The following RHOT1 variants were observed in gnomAD, a reference collection of about 807,000 sequenced individuals.
RHOT1 encodes the protein ras homolog family member T1.
RHOT1 carries 27 observed loss-of-function variants against 95.3 expected under a neutral mutation model. The ratio of observed to expected loss-of-function variants is 0.28; its 90% CI spans 0.21 to 0.39. The LOEUF (loss-of-function observed/expected upper bound fraction) is 0.39, where lower values mean the gene tolerates loss of function less well. Among genes scored for constraint, RHOT1 ranks in the 10% least tolerant of loss-of-function variants. The pLI, the probability that RHOT1 is intolerant of heterozygous loss-of-function variation, is 1.00. For missense variants in RHOT1, 578 were observed against 786.7 expected (o/e 0.73, Z 3.17); for synonymous variants, 227 against 263.5 (o/e 0.86, Z 1.34).
chr17:32,184,885 G>A (rs1338899002), intron 8 of RHOT1, among the ~76,000 whole-genome samples: 1 of 151,840 alleles, frequency 6.6e-6, no homozygotes. Flanking sequence ...CGAATAGACT[G>A]TTGTAAACAT....
chr17:32,219,903 A>G (rs2038720033), intron 19 of RHOT1, among the ~76,000 whole-genome samples: 1 of 152,254 alleles, frequency 6.6e-6, no homozygotes, highest in African/African-American at 2.4e-5. Flanking sequence ...CACATAGAGT[A>G]GGAAGGTTTG....
At chr17:32,145,078 C>T (rs1310116327) in intron 1 of RHOT1, among the ~76,000 whole-genome samples, 1 of 152,052 alleles carries the variant, frequency 6.6e-6, no homozygotes, top group Non-Finnish European at 1.5e-5. Context: ...GGGCAGATCA[C>T]CTGAGGTCAG....
intron 8 of RHOT1, among the ~76,000 whole-genome samples, chr17:32,185,946 T>A (rs1205857650): frequency 6.6e-6 from 1 of 151,942 alleles, no homozygotes; most frequent in Non-Finnish European, 1.5e-5. Context: ...GGTCTCAAAC[T>A]CCTGGCTCAA....
At chr17:32,217,097 T>C (rs1259868520) in intron 19 of RHOT1, among the ~76,000 whole-genome samples, 2 of 152,248 alleles carry the variant, frequency 1.3e-5, no homozygotes, top group Non-Finnish European at 2.9e-5. Flanking sequence ...TTATCTGATC[T>C]TTAAGTATCA....
intron 2 of RHOT1, chr17:32,173,142 GT>G (rs1314710994): frequency 6.6e-6 from 1 of 152,108 alleles, no homozygotes; most frequent in Admixed American, 6.6e-5. Context: ...TTATCCTATA[GT>G]TTTAATATAT....
At chr17:32,147,848 A>G (rs1340136239) in intron 1 of RHOT1, among the ~76,000 whole-genome samples, 1 of 151,592 alleles carries the variant, frequency 6.6e-6, no homozygotes, top group African/African-American at 2.4e-5. Flanking sequence ...AAACTGCTCC[A>G]GTTTCAATTA....
At chr17:32,214,486 A>G (rs1293458072) in intron 19 of RHOT1, among the ~76,000 whole-genome samples, 2 of 152,242 alleles carry the variant, frequency 1.3e-5, no homozygotes, top group Non-Finnish European at 2.9e-5. Context: ...CTCAGTCTTA[A>G]GGTATGGCCT....
intron 18 of RHOT1, 92 bp downstream of exon 18, chr17:32,208,401 A>C (rs1357753138): frequency 1.6e-6 from 2 of 1,252,092 alleles, no homozygotes; most frequent in Non-Finnish European, 2.3e-6. Context: ...GTCACATAGG[A>C]ATTGTTCAGC....
At chr17:32,178,115 G>A (rs1002461169) in intron 6 of RHOT1, among the ~76,000 whole-genome samples, 6 of 151,948 alleles carry the variant, frequency 3.9e-5, no homozygotes, top group South Asian at 2.1e-4. Context: ...ATGAGCCACC[G>A]CATGAGAGAT....
intron 1 of RHOT1, among the ~76,000 whole-genome samples, chr17:32,153,904 C>T (rs951619004): frequency 3.3e-5 from 5 of 152,112 alleles, no homozygotes; most frequent in African/African-American, 9.7e-5. Flanking sequence ...ACATAAAGTA[C>T]AGGGCTTGGT....
intron 9 of RHOT1, 130 bp from the exon 10 acceptor site, chr17:32,193,006 T>A: frequency 1.6e-6 from 1 of 617,080 alleles, no homozygotes; most frequent in Non-Finnish European, 2.8e-6. Flanking sequence ...GTGGTGACTA[T>A]TCCTAATGTA....
At chr17:32,197,250 A>G (rs1394515983) in intron 11 of RHOT1, among the ~76,000 whole-genome samples, 1 of 150,718 alleles carries the variant, frequency 6.6e-6, no homozygotes, top group Admixed American at 6.6e-5. Context: ...TTTTTTTGAG[A>G]TGGAGTCTCA....
At chr17:32,180,624 GA>G (rs1187851914) in intron 6 of RHOT1, among the ~76,000 whole-genome samples, 3 of 97,310 alleles carry the variant, frequency 3.1e-5, no homozygotes, top group African/African-American at 1.2e-4. Context: ...ACCCAAGAAT[GA>G]TCAATAAACA....
At chr17:32,170,416 C>CA (rs938459442) in intron 1 of RHOT1, among the ~76,000 whole-genome samples, 11 of 148,114 alleles carry the variant, frequency 7.4e-5, no homozygotes, top group Non-Finnish European at 1.3e-4. Context: ...CTCCATCTCA[C>CA]AAAAAAAAAG....
chr17:32,158,350 G>GGGTAGACATGAGTCT (rs2033175992), intron 1 of RHOT1, among the ~76,000 whole-genome samples: 1 of 152,144 alleles, frequency 6.6e-6, no homozygotes, highest in East Asian at 1.9e-4. Context: ...GTTATAGGCA[G>GGGTAGACATGAGTCT]GGTAGACATG....
At chr17:32,190,834 C>A (rs1013803536) in intron 8 of RHOT1, among the ~76,000 whole-genome samples, 6 of 152,140 alleles carry the variant, frequency 3.9e-5, no homozygotes, top group Admixed American at 3.9e-4. Flanking sequence ...CTTTCTTTGT[C>A]TCCCAGACTG....
At chr17:32,145,386 T>C (rs1224891942) in intron 1 of RHOT1, among the ~76,000 whole-genome samples, 1 of 152,172 alleles carries the variant, frequency 6.6e-6, no homozygotes, top group Non-Finnish European at 1.5e-5. Context: ...TGAGATATAT[T>C]TGTTTTCTAC....
rs2037751330 is a variant in RHOT1 at position 32,206,451 on chromosome 17, T to C, written c.1417-459T>C. Among the ~76,000 whole-genome samples, 4 of 121,326 alleles carry C rather than the reference T, an allele frequency of 3.3e-5. No homozygotes were observed. The South Asian group carries it at 1.2e-3, about 38-fold the overall frequency. The allele number at this position is 121,326 out of a possible 152,430, so 79.6% of individuals were successfully genotyped here. On this transcript the variant is annotated intron_variant, in intron 16 of 19. Transcript: ENST00000545287. ...ATTTGTCTATACTTTCTTTTTTTTT[T>C]TTTTTTTTTTTTTTTTTTGAGACTG...
chr17:32,144,197 G>T (rs896024006), intron 1 of RHOT1, among the ~76,000 whole-genome samples: 3 of 152,178 alleles, frequency 2.0e-5, no homozygotes, highest in Non-Finnish European at 4.4e-5. Context: ...TGATGAAATA[G>T]TTTGTTGTTG....
Sources: allele counts gnomAD v4.1 joint callset (sites outside exome capture counted in the v4.1 genomes callset), GRCh38; gene constraint gnomAD v4.1.1; transcripts MANE v1.5; gene names NCBI Gene and HGNC (gene_info 2026-07-23, HGNC 2026-07-21).